PHLDB2: variants seen among roughly 807,000 people sequenced by gnomAD.
The protein encoded by PHLDB2 is pleckstrin homology-like domain family B member 2.
A neutral mutation model predicts 123.6 loss-of-function variants in PHLDB2; 71 were observed. That is an observed-to-expected ratio of 0.57 (90% confidence interval 0.47 to 0.70). The LOEUF is 0.70. Ranked by LOEUF, PHLDB2 falls within the 30% of genes least tolerant of loss-of-function variation. The pLI is 0.00. For synonymous variants in PHLDB2, 547 were observed against 541.6 expected, an observed-to-expected ratio of 1.01 and a Z score of -0.14; for missense variants, 1,446 against 1,519.5, an observed-to-expected ratio of 0.95 and a Z score of 0.80.
intron 1 of PHLDB2, among the ~76,000 whole-genome samples, chr3:111,810,944 T>G (rs929920751): frequency 6.6e-6 from 1 of 152,190 alleles, no homozygotes; most frequent in African/African-American, 2.4e-5. Context: ...AAACTAGCTC[T>G]GCAAGAGGAT....
chr3:111,858,593 G>C (rs2064628555), upstream of PHLDB2, among the ~76,000 whole-genome samples: 1 of 152,318 alleles, frequency 6.6e-6, no homozygotes, highest in African/African-American at 2.4e-5. Context: ...GGTATACTGA[G>C]TTCTGCTCAT....
intron 1 of PHLDB2, chr3:111,732,721 T>A (rs1941540602): frequency 6.6e-7 from 1 of 1,524,088 alleles, no homozygotes; most frequent in East Asian, 2.5e-5. Flanking sequence ...ATCTCTCTGG[T>A]CACTGGCCCT....
intron 1 of PHLDB2, among the ~76,000 whole-genome samples, chr3:111,882,149 A>C (rs2065962973): frequency 6.6e-6 from 1 of 152,182 alleles, no homozygotes; most frequent in Non-Finnish European, 1.5e-5. Context: ...TAGCTTATTT[A>C]ATTTTTTCCC....
chr3:111,909,598 AG>A (rs201045168), intron 2 of PHLDB2, among the ~76,000 whole-genome samples: 1,807 of 152,266 alleles, frequency 0.012, 39 homozygotes, highest in African/African-American at 0.041. Context: ...ACTTTGTCTC[AG>A]GAAAAAAAGA....
intron 1 of PHLDB2, among the ~76,000 whole-genome samples, chr3:111,759,114 A>G (rs1444107498): frequency 1.4e-5 from 2 of 143,274 alleles, no homozygotes; most frequent in Non-Finnish European, 3.0e-5. Context: ...TATCCTAGTG[A>G]TATATCTTTT....
chr3:111,922,477 G>T (rs1201725648), intron 5 of PHLDB2, among the ~76,000 whole-genome samples: 1 of 152,188 alleles, frequency 6.6e-6, no homozygotes, highest in East Asian at 1.9e-4. Flanking sequence ...CTGGAGAGGG[G>T]ACTACAGGGG....
chr3:111,857,998 T>C (rs1228251318), upstream of PHLDB2, among the ~76,000 whole-genome samples: 1 of 152,168 alleles, frequency 6.6e-6, no homozygotes, highest in African/African-American at 2.4e-5. Context: ...TAAAGACACA[T>C]ACAAACGTAT....
intron 2 of PHLDB2, among the ~76,000 whole-genome samples, chr3:111,897,417 T>G (rs1479195896): frequency 6.6e-6 from 1 of 152,142 alleles, no homozygotes; most frequent in Non-Finnish European, 1.5e-5. Flanking sequence ...GTGGGAGAAA[T>G]AGGGTAAAGT....
chr3:111,918,446 T>G (rs2107523568), intron 3 of PHLDB2, among the ~76,000 whole-genome samples: 1 of 152,344 alleles, frequency 6.6e-6, no homozygotes, highest in South Asian at 2.1e-4. Context: ...AAGCATCAAT[T>G]AATTTAATAC....
At chr3:111,766,347 G>A (rs2060080021) in intron 1 of PHLDB2, among the ~76,000 whole-genome samples, 1 of 151,384 alleles carries the variant, frequency 6.6e-6, no homozygotes, top group Non-Finnish European at 1.5e-5. Context: ...GGAGGCTGAG[G>A]CAGAAAAATC....
At position 111,822,488 on chromosome 3, in the gene PHLDB2, C is replaced by A. The variant is rs546753577; in HGVS notation, c.-48-23333C>A. On this transcript the variant is annotated intron_variant, in intron 1 of 17. Transcript: ENST00000393923. ...AACTTTCAGTGAACATATAAAGTAGCCTCAACTGTCAGAATTGAAAATCTC... is the reference window on the plus strand; with the variant it reads ...AACTTTCAGTGAACATATAAAGTAGACTCAACTGTCAGAATTGAAAATCTC... Among the ~76,000 whole-genome samples the A allele has an allele frequency of 2.6e-5, 4 of 152,216 alleles. No homozygotes were observed. In the South Asian group the frequency reaches 8.3e-4, roughly 32 times the overall value.
intron 1 of PHLDB2, among the ~76,000 whole-genome samples, chr3:111,807,675 C>T (rs1175836193): frequency 6.6e-6 from 1 of 152,112 alleles, no homozygotes; most frequent in African/African-American, 2.4e-5. Context: ...TGAAGGATTG[C>T]TCAAGCCTAG....
At position 111,859,439 on chromosome 3, in the gene PHLDB2, C is replaced by T. The variant is rs72938238; in HGVS notation, c.-152C>T. On this transcript the variant is annotated 5_prime_UTR_variant, in exon 1 of 18. Transcript: ENST00000431670. ...CCGCCGCGGTGGTTACAAAGGGGGT[C>T]AAGAGTGCCGGACCCAGCCGCGCGG... 7.8e-3 allele frequency: 7,701 copies of T among 985,538 alleles called. 482 individuals carry two copies. The African/African-American group carries it at 0.12, about 16-fold the overall frequency. 61.0% of individuals were successfully genotyped at this position (985,538 alleles called of 1,614,324 possible). A position where few individuals can be genotyped will look rare whatever the true frequency, so the allele number is the denominator to read the frequency against.
exon 1 of PHLDB2, chr3:111,732,549 C>T: frequency 7.3e-7 from 1 of 1,366,980 alleles, no homozygotes; most frequent in South Asian, 1.2e-5. Context: ...GGAAAGGAAC[C>T]TCACCTTCAT....
chr3:111,799,296 C>CA (rs201596196), intron 1 of PHLDB2, among the ~76,000 whole-genome samples: 1 of 151,936 alleles, frequency 6.6e-6, no homozygotes, highest in African/African-American at 2.4e-5. Context: ...CCCACATAGC[C>CA]AAAAAAATCA....
chr3:111,735,581 G>T (rs904086033), intron 1 of PHLDB2, among the ~76,000 whole-genome samples: 8 of 152,160 alleles, frequency 5.3e-5, no homozygotes, highest in African/African-American at 1.9e-4. Context: ...GATAGCAAAG[G>T]CATTACAAAT....
intron 1 of PHLDB2, among the ~76,000 whole-genome samples, chr3:111,774,567 G>A (rs1201330025): frequency 2.0e-5 from 3 of 152,188 alleles, no homozygotes; most frequent in Non-Finnish European, 4.4e-5. Context: ...ACTGGGGCTT[G>A]GAGTGGTTTT....
intron 1 of PHLDB2, among the ~76,000 whole-genome samples, chr3:111,839,011 G>A (rs1018021798): frequency 1.3e-5 from 2 of 152,092 alleles, no homozygotes. Context: ...TAAGATAAAA[G>A]TATAGAATCA....
At chr3:111,950,709 T>C (rs528715835) in intron 10 of PHLDB2, among the ~76,000 whole-genome samples, 2 of 152,122 alleles carry the variant, frequency 1.3e-5, no homozygotes, top group East Asian at 1.9e-4. Context: ...GTAGGCGAGC[T>C]CTGGTTGGTC....
Sources: gnomAD v4.1 joint callset for allele counts (sites outside exome capture counted in the v4.1 genomes callset) on GRCh38, gnomAD v4.1.1 for gene constraint, MANE v1.5 for transcripts, NCBI Gene and HGNC (gene_info 2026-07-23, HGNC 2026-07-21) for gene names.